The following MTCH2 variants were observed in gnomAD, a reference collection of about 807,000 sequenced individuals.
The protein encoded by MTCH2 is mitochondrial carrier 2.
A neutral mutation model predicts 50.6 loss-of-function variants in MTCH2; 25 were observed. The ratio of observed to expected loss-of-function variants is 0.49; its 90% CI spans 0.36 to 0.69. The LOEUF (loss-of-function observed/expected upper bound fraction) is 0.69, where lower values mean the gene tolerates loss of function less well. Ranked by LOEUF, MTCH2 falls within the 30% of genes least tolerant of loss-of-function variation. The probability of loss-of-function intolerance (pLI) is 0.00; values close to 1 mark genes in which losing one functional copy is unlikely to be tolerated. For synonymous variants in MTCH2, 106 were observed against 132.0 expected (o/e 0.80, Z 1.35); for missense variants, 273 against 384.4 (o/e 0.71, Z 2.42).
At chr11:47,610,769 A>C in the MTCH2 span, among the ~76,000 whole-genome samples, 6 of 152,210 alleles carry the variant, frequency 3.9e-5, no homozygotes, top group African/African-American at 1.4e-4. Flanking sequence ...CTGAGGCTTA[A>C]AATGACCAAC....
the MTCH2 span, among the ~76,000 whole-genome samples, chr11:47,605,357 C>T: frequency 6.6e-6 from 1 of 152,122 alleles, no homozygotes; most frequent in South Asian, 2.1e-4. Flanking sequence ...GCTGCAAGCC[C>T]TTAGCCTTTT....
Position 47,618,759 on chromosome 11 carries a change from T to C in MTCH2, c.*74A>G. Reference sequence around the variant, plus strand: ...TATTAAAAAAGCGCGCCACACTGTATAGAAATCAACATTCTCTCCCATAAT... The same window carrying C: ...TATTAAAAAAGCGCGCCACACTGTACAGAAATCAACATTCTCTCCCATAAT... On this transcript the variant is annotated 3_prime_UTR_variant, in exon 13 of 13. Transcript: ENST00000302503. The C allele has an allele frequency of 1.4e-6, 2 of 1,436,822 alleles. No homozygotes were observed. The highest frequency in any genetic ancestry group is 2.3e-5 in the East Asian group (1 of 44,018). 89.0% of individuals were successfully genotyped at this position (1,436,822 alleles called of 1,614,324 possible).
At chr11:47,625,855 C>T in intron 10 of MTCH2, 114 bp from the exon 11 acceptor site, 1 of 711,826 alleles carries the variant, frequency 1.4e-6, no homozygotes, top group East Asian at 2.8e-5. Context: ...ACTTGTCTCG[C>T]TTCATCGGTA....
At chr11:47,625,569 A>T (rs1299588729) in intron 11 of MTCH2, 105 bp downstream of exon 11, 3 of 815,434 alleles carry the variant, frequency 3.7e-6, no homozygotes, top group Non-Finnish European at 5.9e-6. Context: ...AATACCAATC[A>T]GAGATTGATA....
At chr11:47,605,756 T>A in the MTCH2 span, among the ~76,000 whole-genome samples, 1 of 152,194 alleles carries the variant, frequency 6.6e-6, no homozygotes, top group Non-Finnish European at 1.5e-5. Context: ...GCCTCTTCAA[T>A]CGTGAGACAA....
intron 4 of MTCH2, among the ~76,000 whole-genome samples, chr11:47,635,053 A>AT (rs1473817675): frequency 6.6e-6 from 1 of 152,084 alleles, no homozygotes; most frequent in East Asian, 1.9e-4. Flanking sequence ...GATTACAGGC[A>AT]TGAGCCACCA....
chr11:47,623,857 G>A (rs2097295498), intron 11 of MTCH2, among the ~76,000 whole-genome samples: 1 of 152,170 alleles, frequency 6.6e-6, no homozygotes, highest in South Asian at 2.1e-4. Flanking sequence ...TTCGAGACCA[G>A]CCTGGCCAAC....
intron 1 of MTCH2, among the ~76,000 whole-genome samples, chr11:47,640,788 A>G (rs2097313407): frequency 6.6e-6 from 1 of 152,118 alleles, no homozygotes; most frequent in African/African-American, 2.4e-5. Context: ...CAACACATAG[A>G]TGTTGTGAAA....
In MTCH2 at chr11:47,638,986, A is replaced by G; in HGVS notation, c.153T>C (p.Leu51=). 1 of 1,613,786 alleles carries G rather than the reference A, an allele frequency of 6.2e-7. No individual in the cohort carries two copies. The change falls in exon 2 of 13, where the codon CTT becomes CTC. Residue 51 remains leucine (L), a synonymous_variant. Transcript: ENST00000302503. Reference sequence around the variant, plus strand: ...ACTTACCATAACTAAAGAGACCAGGAAGCTGACACACTTGCCGCCCAAAAA... The same window carrying G: ...ACTTACCATAACTAAAGAGACCAGGGAGCTGACACACTTGCCGCCCAAAAA... ...RNIFGRQVCQ[L]PGLFSYAQHI...
intron 1 of MTCH2, 139 bp downstream of exon 1, chr11:47,642,240 G>A (rs564907862): frequency 2.8e-6 from 2 of 703,462 alleles, no homozygotes; most frequent in Admixed American, 3.5e-5. Flanking sequence ...TGTCCCTGCG[G>A]GGAGGTAAAG....
chr11:47,629,076 C>T (rs550931434), intron 8 of MTCH2, 30 bp from the exon 9 acceptor site: 1 of 1,558,902 alleles, frequency 6.4e-7, no homozygotes, highest in Non-Finnish European at 8.8e-7. Flanking sequence ...AAATAAGAAC[C>T]AAAAAATGTG....
chr11:47,614,693 T>C (rs1434429777), downstream of MTCH2, among the ~76,000 whole-genome samples: 1 of 152,218 alleles, frequency 6.6e-6, no homozygotes, highest in Non-Finnish European at 1.5e-5. Context: ...GCGATTCTCC[T>C]GCTTCAGTCT....
chr11:47,624,768 A>G (rs2097296439), intron 11 of MTCH2, among the ~76,000 whole-genome samples: 1 of 152,206 alleles, frequency 6.6e-6, no homozygotes, highest in Non-Finnish European at 1.5e-5. Flanking sequence ...ACCACATTGC[A>G]GCCCTATCTC....
At chr11:47,640,419 C>T (rs10838737) in intron 1 of MTCH2, among the ~76,000 whole-genome samples, 2 of 151,986 alleles carry the variant, frequency 1.3e-5, no homozygotes, top group African/African-American at 4.8e-5. Flanking sequence ...TATTTAGTTA[C>T]TTATTTATTT....
chr11:47,618,973 C>T (rs2097290716), intron 12 of MTCH2, 54 bp from the exon 13 acceptor site: 1 of 1,518,848 alleles, frequency 6.6e-7, no homozygotes. Flanking sequence ...ATGAGATCAG[C>T]CAATCCAAAT....
In MTCH2 at chr11:47,618,720, C is replaced by G. The variant is rs531001838; in HGVS notation, c.*113G>C. The stretch of plus-strand genomic sequence containing the variant: ...CAGACACCAAACACCTGAATTTTCC[C>G]AAGATTAAATGATTATTAAAAAAGC... On this transcript the variant is annotated 3_prime_UTR_variant, in exon 13 of 13. Coordinates refer to ENST00000302503, the MANE Select transcript of MTCH2 (RefSeq NM_014342.4). The G allele has an allele frequency of 2.1e-5, 24 of 1,123,602 alleles. No homozygotes were observed. In the African/African-American group the frequency reaches 3.4e-4, roughly 16 times the overall value. 69.6% of individuals were successfully genotyped at this position (1,123,602 alleles called of 1,614,324 possible).
intron 10 of MTCH2, 67 bp from the exon 11 acceptor site, chr11:47,625,808 T>A (rs2097297602): frequency 7.7e-7 from 1 of 1,302,548 alleles, no homozygotes; most frequent in Admixed American, 1.8e-5. Flanking sequence ...TTCCTTTACC[T>A]TAAAGGCCTA....
intron 12 of MTCH2, among the ~76,000 whole-genome samples, chr11:47,619,945 C>T (rs755164850): frequency 2.6e-5 from 4 of 152,040 alleles, no homozygotes; most frequent in Non-Finnish European, 4.4e-5. Context: ...GGCGTAGTGG[C>T]GGACACCTGT....
intron 1 of MTCH2, among the ~76,000 whole-genome samples, chr11:47,640,659 G>A (rs1283181575): frequency 1.3e-5 from 2 of 152,074 alleles, no homozygotes; most frequent in African/African-American, 4.8e-5. Flanking sequence ...CAGGTGAACC[G>A]CCTGTTTCAG....
Sources: allele counts gnomAD v4.1 joint callset (sites outside exome capture counted in the v4.1 genomes callset), GRCh38; gene constraint gnomAD v4.1.1; transcripts MANE v1.5; gene names NCBI Gene and HGNC (gene_info 2026-07-23, HGNC 2026-07-21).